Variants in RASA3 observed in about 807,000 individuals in gnomAD.
RASA3 encodes the protein RAS p21 protein activator 3, also known as ras GTPase-activating protein 3.
A neutral mutation model predicts 110.0 loss-of-function variants in RASA3; 73 were observed. The ratio of observed to expected loss-of-function variants is 0.66; its 90% CI spans 0.55 to 0.81. The LOEUF is 0.81. RASA3 is among the 30% of genes least tolerant of loss of function. The pLI is 0.00. For synonymous variants in RASA3, 500 were observed against 451.4 expected (o/e 1.11, Z -1.37); for missense variants, 976 against 1,113.2 (o/e 0.88, Z 1.75).
intron 1 of RASA3, among the ~76,000 whole-genome samples, chr13:114,129,403 C>T (rs2080490267): frequency 6.6e-6 from 1 of 152,224 alleles, no homozygotes; most frequent in South Asian, 2.1e-4. Context: ...TGGCGCTCTC[C>T]TCTTATTACC....
In RASA3 at chr13:114,048,760, T is replaced by C. The variant is rs535345634; in HGVS notation, c.277+3292A>G. ...GCCGGCAGCAGCGCTCTGTGGGCCA[T>C]GGACCCAGGGACAGAGGAGGCTACG... On this transcript the variant is annotated intron_variant, in intron 3 of 23. Transcript: ENST00000334062. The surrounding 1 kb of genome is among the most constrained non-coding windows in gnomAD (Gnocchi z 4.3). 3.9e-5 allele frequency among the ~76,000 whole-genome samples: 6 copies of C among 152,162 alleles called. No homozygotes were observed. The highest frequency in any genetic ancestry group is 4.2e-4 in the South Asian group (2 of 4,816).
intron 2 of RASA3, among the ~76,000 whole-genome samples, chr13:114,060,862 G>C (rs564992283): frequency 2.4e-4 from 37 of 152,286 alleles, no homozygotes; most frequent in African/African-American, 8.9e-4. Context: ...CCCTCGGGAA[G>C]ACCCCAGCCA....
At chr13:114,039,514 A>G (rs2054352472) in intron 4 of RASA3, among the ~76,000 whole-genome samples, 1 of 152,008 alleles carries the variant, frequency 6.6e-6, no homozygotes, top group Non-Finnish European at 1.5e-5. Context: ...CTACACTCAG[A>G]CACTTACTGT....
chr13:113,996,496 C>T (rs2053259204), intron 21 of RASA3, 35 bp downstream of exon 21: 6 of 1,589,988 alleles, frequency 3.8e-6, no homozygotes, highest in Admixed American at 1.7e-5. Flanking sequence ...ATTTCCTGCA[C>T]AGTGCACGAG....
chr13:114,039,301 G>A (rs1473249908), intron 4 of RASA3, among the ~76,000 whole-genome samples: 1 of 145,110 alleles, frequency 6.9e-6, no homozygotes, highest in Non-Finnish European at 1.5e-5. Context: ...CCCAGCTGAG[G>A]ACCCAGGAAG....
At chr13:114,067,771 G>A (rs912733895) in intron 2 of RASA3, among the ~76,000 whole-genome samples, 3 of 152,124 alleles carry the variant, frequency 2.0e-5, no homozygotes, top group African/African-American at 7.2e-5. Context: ...TGCCCCTCAG[G>A]GCTGCCAAGT....
At chr13:114,066,512 T>A (rs2079452407) in intron 2 of RASA3, among the ~76,000 whole-genome samples, 3 of 152,090 alleles carry the variant, frequency 2.0e-5, no homozygotes, top group Admixed American at 2.0e-4. Flanking sequence ...GCCCAGCCTC[T>A]CCCTGCAGTG....
chr13:114,122,389 C>G (rs1361872113), intron 1 of RASA3, among the ~76,000 whole-genome samples: 3 of 152,214 alleles, frequency 2.0e-5, no homozygotes, highest in Non-Finnish European at 2.9e-5. Flanking sequence ...GATGGTTTTC[C>G]CAGAACCGGT....
chr13:114,009,365 C>G (rs372605066), intron 17 of RASA3, 22 bp downstream of exon 17: 1 of 1,591,224 alleles, frequency 6.3e-7, no homozygotes, highest in Non-Finnish European at 8.6e-7. Context: ...CACGGGCGGT[C>G]GGAGGGTGAG....
intron 9 of RASA3, 117 bp from the exon 10 acceptor site, chr13:114,019,036 A>T: frequency 7.5e-7 from 1 of 1,330,984 alleles, no homozygotes; most frequent in South Asian, 1.3e-5. Flanking sequence ...ATCCTGTAGG[A>T]CCCCTCAGAG....
rs369154695 is a variant in RASA3, at chr13:114,027,940, G to A, written c.450-13C>T. The A allele has an allele frequency of 9.3e-6, 15 of 1,606,562 alleles. No homozygotes were observed. The highest frequency in any genetic ancestry group is 1.3e-5 in the African/African-American group (1 of 74,824). On this transcript the variant is annotated splice_polypyrimidine_tract_variant and intron_variant, in intron 5 of 23. Transcript: ENST00000334062. ...GCACTCGACGATGCTGAGGAGAGAA[G>A]CAGAGGCGGCGTCAGGAGGGAGCGC...
intron 14 of RASA3, 103 bp downstream of exon 14, chr13:114,015,106 T>G: frequency 6.8e-7 from 1 of 1,471,806 alleles, no homozygotes; most frequent in Non-Finnish European, 9.3e-7. Context: ...GACCCCGCAG[T>G]TCTAGTCTAG....
intron 22 of RASA3, among the ~76,000 whole-genome samples, chr13:113,982,474 C>T (rs1385474597): frequency 6.6e-6 from 1 of 152,276 alleles, no homozygotes; most frequent in Non-Finnish European, 1.5e-5. Context: ...GACCACATCA[C>T]TCCTGCTGAA....
Position 114,115,235 on chromosome 13 carries a change from T to C in RASA3, c.55+17200A>G, listed in dbSNP as rs2080261669. Reference sequence around the variant, plus strand: ...ATGTCCAGCGGTAACATGTTTACGGTCCCTGTGCCGCCGTGCGGTAGCAGT... The same window carrying C: ...ATGTCCAGCGGTAACATGTTTACGGCCCCTGTGCCGCCGTGCGGTAGCAGT... On this transcript the variant is annotated intron_variant, in intron 1 of 23. Coordinates refer to ENST00000334062, the MANE Select transcript of RASA3 (RefSeq NM_007368.4). The surrounding 1 kb of genome is among the most constrained non-coding windows in gnomAD (Gnocchi z 5.0). 6.6e-6 allele frequency among the ~76,000 whole-genome samples: 1 copy of C among 152,228 alleles called. No homozygotes were observed. The highest frequency in any genetic ancestry group is 2.1e-4 in the South Asian group (1 of 4,836).
At chr13:114,102,414 G>T (rs1268082302) in intron 1 of RASA3, among the ~76,000 whole-genome samples, 1 of 152,092 alleles carries the variant, frequency 6.6e-6, no homozygotes, top group Admixed American at 6.5e-5. Flanking sequence ...AGAGGGAGAG[G>T]GACAGAGAGG....
At chr13:114,132,345 C>T (rs2080533191) in intron 1 of RASA3, 90 bp downstream of exon 1, 2 of 1,321,842 alleles carry the variant, frequency 1.5e-6, no homozygotes, top group South Asian at 1.7e-5. Context: ...CGCCGGGGTC[C>T]CCAGCAAGGA....
intron 22 of RASA3, among the ~76,000 whole-genome samples, chr13:113,991,485 G>A (rs2139087042): frequency 6.6e-6 from 1 of 152,332 alleles, no homozygotes; most frequent in South Asian, 2.1e-4. Flanking sequence ...GCAGATCCGA[G>A]TTCTACCAGA....
At chr13:114,070,793 G>A (rs1335064109) in intron 2 of RASA3, among the ~76,000 whole-genome samples, 4 of 130,454 alleles carry the variant, frequency 3.1e-5, no homozygotes, top group Middle Eastern at 4.0e-3. Context: ...CGGCGTCCAC[G>A]CTAAACGGCG....
At chr13:114,130,639 C>T (rs946632209) in intron 1 of RASA3, among the ~76,000 whole-genome samples, 4 of 152,220 alleles carry the variant, frequency 2.6e-5, no homozygotes, top group African/African-American at 9.7e-5. Context: ...GGTCTTCCCT[C>T]GCCCTCCTGT....
Sources: allele counts gnomAD v4.1 joint callset (sites outside exome capture counted in the v4.1 genomes callset), GRCh38; gene constraint gnomAD v4.1.1; non-coding constraint Gnocchi (gnomAD v3.1); transcripts MANE v1.5; gene names NCBI Gene and HGNC (gene_info 2026-07-23, HGNC 2026-07-21).